Variants in LRP1B observed in about 807,000 individuals in gnomAD.
LRP1B encodes low-density lipoprotein receptor-related protein 1B.
In LRP1B, 217 loss-of-function variants were observed where a neutral mutation model predicts 556.6. That is an observed-to-expected ratio of 0.39 (90% CI 0.35 to 0.44). LRP1B has a LOEUF of 0.44. LRP1B is among the 20% of genes least tolerant of loss of function. The probability of loss-of-function intolerance (pLI) is 1.00; values close to 1 mark genes in which losing one functional copy is unlikely to be tolerated. For synonymous variants in LRP1B, 2,047 were observed against 1,865.8 expected, an observed-to-expected ratio of 1.10 and a Z score of -2.50; for missense variants, 5,053 against 5,620.8, an observed-to-expected ratio of 0.90 and a Z score of 3.23.
At chr2:140,531,253 T>G (rs144905910) in intron 47 of LRP1B, among the ~76,000 whole-genome samples, 7 of 152,270 alleles carry the variant, frequency 4.6e-5, no homozygotes, top group African/African-American at 1.7e-4. Context: ...TTAACCTGGC[T>G]TAATGCCTAT....
At chr2:141,922,582 C>T (rs1700220524) in intron 1 of LRP1B, among the ~76,000 whole-genome samples, 1 of 152,178 alleles carries the variant, frequency 6.6e-6, no homozygotes, top group Admixed American at 6.5e-5. Flanking sequence ...GCACCAGGCA[C>T]TGGATGCTTA....
chr2:141,200,606 C>A (rs1035488618), intron 6 of LRP1B, among the ~76,000 whole-genome samples: 1 of 152,020 alleles, frequency 6.6e-6, no homozygotes, highest in African/African-American at 2.4e-5. Context: ...ACCACTTATC[C>A]CCCTATATGT....
intron 66 of LRP1B, among the ~76,000 whole-genome samples, chr2:140,403,498 A>G (rs1049410198): frequency 1.3e-5 from 2 of 152,232 alleles, no homozygotes; most frequent in South Asian, 4.1e-4. Flanking sequence ...AGTATCCCCA[A>G]TAGACTAGAA....
chr2:140,541,886 G>T lies in LRP1B; in HGVS notation c.7280C>A (p.Ala2427Asp), dbSNP rs142111915. ...TGTGTACTTGTTGGACCGCAGTATA[G>T]CTCTTCTTCCCCAGTCCGACCAGAA... ...YIFWSDWGRR[A>D]ILRSNKYTGG... The change falls in exon 44 of 91, where the codon GCT (alanine) becomes GAT (aspartate). Residue 2427 changes from alanine (A) to aspartate (D), a missense_variant. Physicochemically the swap from Ala to Asp is moderately radical, Grantham distance 126. Coordinates refer to ENST00000389484, the MANE Select transcript of LRP1B (RefSeq NM_018557.3). 25 of 1,612,724 alleles carry T rather than the reference G, an allele frequency of 1.6e-5. 1 individual carries two copies. Among genetic ancestry groups the T allele is most frequent in the Admixed American group, 1.7e-5 (1 of 59,872 alleles).
intron 72 of LRP1B, among the ~76,000 whole-genome samples, chr2:140,362,911 T>G (rs1013656505): frequency 9.9e-5 from 15 of 151,640 alleles, no homozygotes; most frequent in African/African-American, 3.4e-4. Flanking sequence ...GTTCACTTCT[T>G]TCATCATTAT....
chr2:141,173,217 T>TA (rs958296428), intron 7 of LRP1B, among the ~76,000 whole-genome samples: 7 of 152,004 alleles, frequency 4.6e-5, no homozygotes, highest in Admixed American at 1.3e-4. Flanking sequence ...AGGGCTTTGA[T>TA]AAAAAACCTC....
intron 1 of LRP1B, among the ~76,000 whole-genome samples, chr2:142,037,032 T>C (rs1340270919): frequency 1.3e-5 from 2 of 151,670 alleles, no homozygotes; most frequent in African/African-American, 4.8e-5. Context: ...TGTGTAATTA[T>C]GACCTGAATG....
intron 23 of LRP1B, among the ~76,000 whole-genome samples, chr2:140,886,869 C>T (rs1348240812): frequency 4.6e-5 from 7 of 152,106 alleles, no homozygotes; most frequent in African/African-American, 1.7e-4. Context: ...CCAAAAAAAT[C>T]ATAACTATAT....
intron 2 of LRP1B, among the ~76,000 whole-genome samples, chr2:141,807,595 C>A (rs944781148): frequency 1.3e-5 from 2 of 152,052 alleles, no homozygotes; most frequent in African/African-American, 4.8e-5. Flanking sequence ...ATATCTTGAG[C>A]AGGTATGAAT....
chr2:140,484,597 A>G (rs1251190742), intron 59 of LRP1B, among the ~76,000 whole-genome samples: 1 of 152,160 alleles, frequency 6.6e-6, no homozygotes, highest in Non-Finnish European at 1.5e-5. Flanking sequence ...TGGAGCATGT[A>G]ATCACTCTAA....
At chr2:140,639,760 A>G (rs1039366966) in intron 41 of LRP1B, among the ~76,000 whole-genome samples, 2 of 152,170 alleles carry the variant, frequency 1.3e-5, no homozygotes, top group African/African-American at 4.8e-5. Flanking sequence ...GAATAAAAAC[A>G]AAGTCCTAAT....
At chr2:141,781,385 T>C (rs900966934) in intron 2 of LRP1B, among the ~76,000 whole-genome samples, 4 of 152,350 alleles carry the variant, frequency 2.6e-5, no homozygotes, top group African/African-American at 9.6e-5. Flanking sequence ...TTCTTCACTA[T>C]ATACTTAGTT....
chr2:140,923,552 T>C (rs923387473), intron 20 of LRP1B, among the ~76,000 whole-genome samples: 3 of 152,080 alleles, frequency 2.0e-5, no homozygotes, highest in Admixed American at 2.0e-4. Flanking sequence ...CTTGACTTAT[T>C]CTCTTATCTT....
At chr2:140,976,317 T>G (rs565553565) in intron 18 of LRP1B, among the ~76,000 whole-genome samples, 215 of 152,014 alleles carry the variant, frequency 1.4e-3, no homozygotes, top group African/African-American at 5.1e-3. Context: ...CTTTTCTCTT[T>G]TCTTGTAATT....
intron 5 of LRP1B, among the ~76,000 whole-genome samples, chr2:141,229,723 A>G (rs1683387410): frequency 6.6e-6 from 1 of 152,168 alleles, no homozygotes; most frequent in African/African-American, 2.4e-5. Context: ...TAAGTAAAGG[A>G]AGTGGTGTGA....
At chr2:141,446,015 G>A (rs1056359497) in intron 3 of LRP1B, among the ~76,000 whole-genome samples, 2 of 152,020 alleles carry the variant, frequency 1.3e-5, no homozygotes, top group Admixed American at 6.6e-5. Flanking sequence ...TTTGACAGTG[G>A]GATATCAAAA....
chr2:141,231,099 A>C (rs1683442078), intron 5 of LRP1B, among the ~76,000 whole-genome samples: 1 of 152,256 alleles, frequency 6.6e-6, no homozygotes, highest in African/African-American at 2.4e-5. Context: ...GAGTATGACT[A>C]GCTATTCAGA....
Position 140,635,429 on chromosome 2 carries a change from T to TA in LRP1B, c.6800-33791dup, listed in dbSNP as rs917122041. ...GTTTCTCAGTACTAGGGCTGTAAGT[T>TA]AAAAAAAAAATTCCTTATTTTTTTG... On this transcript the variant is annotated intron_variant, in intron 41 of 90. Transcript: ENST00000389484. Among the ~76,000 whole-genome samples the TA allele has an allele frequency of 6.5e-3, 985 of 150,532 alleles. 16 individuals carry two copies. Among genetic ancestry groups the TA allele is most frequent in the Middle Eastern group, 0.027 (8 of 294 alleles).
chr2:141,005,198 A>G, intron 15 of LRP1B, 137 bp downstream of exon 15: 3 of 947,524 alleles, frequency 3.2e-6, no homozygotes, highest in East Asian at 2.8e-5. Context: ...AATAATTTAT[A>G]GTCTAAAAAG....
Sources: gnomAD v4.1 joint callset for allele counts (sites outside exome capture counted in the v4.1 genomes callset) on GRCh38, gnomAD v4.1.1 for gene constraint, MANE v1.5 for transcripts, NCBI Gene and HGNC (gene_info 2026-07-23, HGNC 2026-07-21) for gene names.